Variants in PCDHGA3 observed in about 807,000 individuals in gnomAD.
PCDHGA3 encodes protocadherin gamma-A3.
PCDHGA3 carries 40 observed loss-of-function variants against 58.5 expected under a neutral mutation model. That is an observed-to-expected ratio of 0.68 (90% CI 0.53 to 0.89). The LOEUF is 0.89. PCDHGA3 is among the 40% of genes least tolerant of loss of function. The pLI, the probability that PCDHGA3 is intolerant of heterozygous loss-of-function variation, is 0.00. For synonymous variants in PCDHGA3, 530 were observed against 525.7 expected, an observed-to-expected ratio of 1.01 and a Z score of -0.11; for missense variants, 1,223 against 1,195.9, an observed-to-expected ratio of 1.02 and a Z score of -0.33.
At position 141,426,001 on chromosome 5, in the gene PCDHGA3, T is replaced by C. The variant is rs553657872; in HGVS notation, c.2425-68806T>C. Among the ~76,000 whole-genome samples, 3 of 152,318 alleles carry C rather than the reference T, an allele frequency of 2.0e-5. No individual in the cohort carries two copies. In the South Asian group the frequency reaches 6.2e-4, roughly 32 times the overall value. The stretch of plus-strand genomic sequence containing the variant: ...TGAATCCCATTGAATTAGCAAAGGC[T>C]TCCGGCTGCAGTTTTCTAAATAGAC... On this transcript the variant is annotated intron_variant, in intron 1 of 3. Transcript: ENST00000253812.
In PCDHGA3 at chr5:141,366,878, A is replaced by AT. The variant is rs994289295; in HGVS notation, c.2424+20429dup. ...ACATTATTTGCTGTATTGGAGATTAATTTTTTTTATATAATTCATGCTTTC... is the reference window on the plus strand; with the variant it reads ...ACATTATTTGCTGTATTGGAGATTAATTTTTTTTTATATAATTCATGCTTTC... On this transcript the variant is annotated intron_variant, in intron 1 of 3. Coordinates refer to ENST00000253812, the MANE Select transcript of PCDHGA3 (RefSeq NM_018916.4). 4.5e-5 allele frequency: 61 copies of AT among 1,341,282 alleles called. No individual in the cohort carries two copies. The Admixed American group carries it at 4.7e-4, about 10-fold the overall frequency. 83.1% of individuals were successfully genotyped at this position (1,341,282 alleles called of 1,614,324 possible).
Position 141,344,747 on chromosome 5 carries a change from C to G in PCDHGA3, c.714C>G (p.Asn238Lys). The change falls in exon 1 of 4, where the codon AAC (asparagine) becomes AAG (lysine). Residue 238 changes from asparagine (N) to lysine (K), a missense_variant. Asn to Lys is a moderately conservative substitution (Grantham distance 94, BLOSUM62 0). Coordinates refer to ENST00000253812, the MANE Select transcript of PCDHGA3 (RefSeq NM_018916.4). ...TGATAGTCCTGGATGCAAATGACAA[C>G]CCACCAATGTTTACTCAGCCTGAGT... ...IQVIVLDAND[N>K]PPMFTQPEYR... 4 of 1,614,018 alleles carry G rather than the reference C, an allele frequency of 2.5e-6. No individual in the cohort carries two copies. Among genetic ancestry groups the G allele is most frequent in the Non-Finnish European group, 3.4e-6 (4 of 1,179,902 alleles).
At position 141,360,903 on chromosome 5, in the gene PCDHGA3, G is replaced by A. The variant is rs752031820; in HGVS notation, c.2424+14446G>A. ...GGGTCACCCTGAGGGAGGACGTGCC[G>A]CCGGGCTTCTTTGTGCTTCAAGTGA... On this transcript the variant is annotated intron_variant, in intron 1 of 3. Coordinates refer to ENST00000253812, the MANE Select transcript of PCDHGA3 (RefSeq NM_018916.4). 3 of 1,614,034 alleles carry A rather than the reference G, an allele frequency of 1.9e-6. No homozygotes were observed. In the Admixed American group the frequency reaches 5.0e-5, roughly 27 times the overall value.
chr5:141,358,349 G>GT (rs1258884225), intron 1 of PCDHGA3, among the ~76,000 whole-genome samples: 2 of 152,164 alleles, frequency 1.3e-5, no homozygotes, highest in Non-Finnish European at 2.9e-5. Flanking sequence ...TGGACTGAGG[G>GT]TTTTTTAATT....
intron 1 of PCDHGA3, among the ~76,000 whole-genome samples, chr5:141,444,275 G>A (rs1427489988): frequency 7.1e-6 from 1 of 141,698 alleles, no homozygotes; most frequent in Non-Finnish European, 1.5e-5. Flanking sequence ...AGGTTCAAGT[G>A]ATTCTCCTGC....
chr5:141,371,213 C>A, intron 1 of PCDHGA3: 1 of 1,614,002 alleles, frequency 6.2e-7, no homozygotes, highest in Non-Finnish European at 8.5e-7. Flanking sequence ...ATGAGGGCAT[C>A]AATGCCGAAA....
intron 1 of PCDHGA3, chr5:141,394,082 G>C: frequency 6.2e-7 from 1 of 1,613,830 alleles, no homozygotes; most frequent in Non-Finnish European, 8.5e-7. Flanking sequence ...TCACAGTGAT[G>C]GCCTCAGATC....
chr5:141,357,521 G>C, intron 1 of PCDHGA3: 1 of 1,614,228 alleles, frequency 6.2e-7, no homozygotes, highest in Non-Finnish European at 8.5e-7. Flanking sequence ...TCCCAACCCA[G>C]CTATGCAGAC....
intron 1 of PCDHGA3, among the ~76,000 whole-genome samples, chr5:141,444,150 GGA>G (rs1471930589): frequency 1.6e-4 from 18 of 114,012 alleles, no homozygotes; most frequent in Non-Finnish European, 2.3e-4. Context: ...TGTGTGTACT[GGA>G]TTTTTTTTTT....
intron 1 of PCDHGA3, chr5:141,361,177 A>G (rs561630104): frequency 6.2e-7 from 1 of 1,613,966 alleles, no homozygotes; most frequent in Non-Finnish European, 8.5e-7. Context: ...ACCTGAAGTT[A>G]TTGTGACTTC....
chr5:141,476,054 A>T lies in PCDHGA3; in HGVS notation c.2425-18753A>T. The T allele has an allele frequency of 3.3e-6, 5 of 1,504,982 alleles. No homozygotes were observed. The highest frequency in any genetic ancestry group is 4.4e-6 in the Non-Finnish European group (5 of 1,134,040). 93.2% of individuals were successfully genotyped at this position (1,504,982 alleles called of 1,614,324 possible). A position where few individuals can be genotyped will look rare whatever the true frequency, so the allele number is the denominator to read the frequency against. ...AGCGCCCAAGCGCTAACCCGCTGAA[A>T]GTTTCTCAGCGAAATCTCAGGGACG... On this transcript the variant is annotated intron_variant, in intron 1 of 3. Coordinates refer to ENST00000253812, the MANE Select transcript of PCDHGA3 (RefSeq NM_018916.4). The surrounding 1 kb of genome is among the most constrained non-coding windows in gnomAD (Gnocchi z 7.6).
Position 141,487,613 on chromosome 5 carries a change from G to C in PCDHGA3, c.2425-7194G>C, listed in dbSNP as rs1460090760. 1 of 1,614,218 alleles carries C rather than the reference G, an allele frequency of 6.2e-7. No homozygotes were observed. ...ACCCTCTGATCTTCTCTATGGGCTA[G>C]AGGTGAGACCTTTGCAGGCTCAACA... On this transcript the variant is annotated intron_variant, in intron 1 of 3. Coordinates refer to ENST00000253812, the MANE Select transcript of PCDHGA3 (RefSeq NM_018916.4). The surrounding 1 kb of genome is among the most constrained non-coding windows in gnomAD (Gnocchi z 5.0).
At chr5:141,404,530 A>C in intron 1 of PCDHGA3, 1 of 1,614,008 alleles carries the variant, frequency 6.2e-7, no homozygotes, top group Non-Finnish European at 8.5e-7. Flanking sequence ...AGCAGTTTAG[A>C]GATTTGCAAA....
chr5:141,486,823 A>G lies in PCDHGA3; in HGVS notation c.2425-7984A>G, dbSNP rs778308736. On this transcript the variant is annotated intron_variant, in intron 1 of 3. Coordinates refer to ENST00000253812, the MANE Select transcript of PCDHGA3 (RefSeq NM_018916.4). The surrounding 1 kb of genome is among the most constrained non-coding windows in gnomAD (Gnocchi z 5.0). Reference sequence around the variant, plus strand: ...ACCCACCCCTTAGCAGCACTGTAACAGTTCGTCTATTTGTGCTGGACCTCA... The same window carrying G: ...ACCCACCCCTTAGCAGCACTGTAACGGTTCGTCTATTTGTGCTGGACCTCA... 1.2e-6 allele frequency: 2 copies of G among 1,614,104 alleles called. No individual in the cohort carries two copies. Among genetic ancestry groups the G allele is most frequent in the Admixed American group, 1.7e-5 (1 of 60,008 alleles).
chr5:141,376,015 G>A, intron 1 of PCDHGA3: 7 of 1,613,364 alleles, frequency 4.3e-6, no homozygotes, highest in Non-Finnish European at 5.9e-6. Context: ...GCCTAGTGGT[G>A]GCCGTCCAGG....
At chr5:141,454,428 CAG>C (rs1412897540) in intron 1 of PCDHGA3, among the ~76,000 whole-genome samples, 1 of 152,172 alleles carries the variant, frequency 6.6e-6, no homozygotes, top group Admixed American at 6.5e-5. Flanking sequence ...TATTTAGAGA[CAG>C]AGTTTCACTC....
At chr5:141,422,636 C>T in intron 1 of PCDHGA3, 3 of 1,612,584 alleles carry the variant, frequency 1.9e-6, no homozygotes, top group Non-Finnish European at 2.5e-6. Context: ...CCCAGGGGTG[C>T]CTCCATCTTC....
chr5:141,348,967 T>C (rs17097224), intron 1 of PCDHGA3, among the ~76,000 whole-genome samples: 8,786 of 152,250 alleles, frequency 0.058, 402 homozygotes, highest in African/African-American at 0.13. Context: ...AGTTCCAAAA[T>C]TGGGTGTCTA....
At chr5:141,385,006 G>A (rs762264055) in intron 1 of PCDHGA3, 10 of 1,613,972 alleles carry the variant, frequency 6.2e-6, no homozygotes, top group East Asian at 2.2e-5. Context: ...AGTCTCCTGC[G>A]TCTTCCTAGC....
Sources: gnomAD v4.1 joint callset for allele counts (sites outside exome capture counted in the v4.1 genomes callset) on GRCh38, gnomAD v4.1.1 for gene constraint, Gnocchi (gnomAD v3.1) non-coding constraint, MANE v1.5 for transcripts, NCBI Gene and HGNC (gene_info 2026-07-23, HGNC 2026-07-21) for gene names.